The following CDH18 variants were observed in gnomAD, a reference collection of about 807,000 sequenced individuals.
CDH18 encodes cadherin-18.
A neutral mutation model predicts 67.9 loss-of-function variants in CDH18; 31 were observed. The ratio of observed to expected loss-of-function variants is 0.46; its 90% CI spans 0.34 to 0.62. The LOEUF (loss-of-function observed/expected upper bound fraction) is 0.62. Ranked by LOEUF, CDH18 falls within the 20% of genes least tolerant of loss-of-function variation. The pLI is 0.01. For synonymous variants in CDH18, 362 were observed against 347.2 expected, an observed-to-expected ratio of 1.04 and a Z score of -0.48; for missense variants, 890 against 975.5, an observed-to-expected ratio of 0.91 and a Z score of 1.17.
chr5:19,734,541 T>C (rs1768043604), intron 4 of CDH18, among the ~76,000 whole-genome samples: 1 of 152,062 alleles, frequency 6.6e-6, no homozygotes, highest in Admixed American at 6.5e-5. Context: ...AGAATAAAAA[T>C]ATTTTTTCTC....
chr5:20,207,457 T>C (rs900220300), intron 2 of CDH18, among the ~76,000 whole-genome samples: 3 of 151,958 alleles, frequency 2.0e-5, no homozygotes, highest in African/African-American at 7.2e-5. Context: ...ACTGGGCAAT[T>C]TACAAAAGAA....
intron 1 of CDH18, among the ~76,000 whole-genome samples, chr5:20,454,338 A>AT (rs150384243): frequency 0.039 from 5,924 of 151,918 alleles, 361 homozygotes; most frequent in African/African-American, 0.13. Context: ...CATAACTTTC[A>AT]TTTTTTTTCA....
chr5:20,101,703 G>C (rs1236662452), intron 2 of CDH18, among the ~76,000 whole-genome samples: 2 of 152,178 alleles, frequency 1.3e-5, no homozygotes. Flanking sequence ...AACCATAGAG[G>C]TATTGCCAGT....
intron 1 of CDH18, among the ~76,000 whole-genome samples, chr5:20,348,018 T>G (rs1740850365): frequency 2.0e-5 from 3 of 152,314 alleles, no homozygotes; most frequent in Middle Eastern, 6.8e-3. Context: ...GACAAGAATT[T>G]GGACTTAGCT....
At chr5:20,523,283 C>G (rs572109055) in intron 1 of CDH18, among the ~76,000 whole-genome samples, 1 of 152,250 alleles carries the variant, frequency 6.6e-6, no homozygotes, top group East Asian at 1.9e-4. Flanking sequence ...GCTGAGTTGA[C>G]ATTTTAATTG....
intron 12 of CDH18, among the ~76,000 whole-genome samples, chr5:19,476,139 T>G (rs1738423430): frequency 6.6e-6 from 1 of 151,706 alleles, no homozygotes; most frequent in Non-Finnish European, 1.5e-5. Context: ...TGGGAGACTA[T>G]GAAGGAACCA....
At chr5:20,410,760 T>A (rs1746701808) in intron 1 of CDH18, among the ~76,000 whole-genome samples, 1 of 151,740 alleles carries the variant, frequency 6.6e-6, no homozygotes, top group African/African-American at 2.4e-5. Context: ...AACGTTAAAG[T>A]CTCCATTTAA....
intron 3 of CDH18, among the ~76,000 whole-genome samples, chr5:19,829,406 T>C (rs544010599): frequency 5.3e-5 from 8 of 152,264 alleles, no homozygotes; most frequent in African/African-American, 1.9e-4. Flanking sequence ...GTAGCACTTA[T>C]ATACAAGAAC....
At chr5:19,825,413 A>C (rs1780307186) in intron 3 of CDH18, among the ~76,000 whole-genome samples, 1 of 152,120 alleles carries the variant, frequency 6.6e-6, no homozygotes, top group African/African-American at 2.4e-5. Context: ...CACCCACTAG[A>C]GCTTCCAGCC....
At chr5:19,813,027 A>T (rs1778908657) in intron 3 of CDH18, among the ~76,000 whole-genome samples, 1 of 152,158 alleles carries the variant, frequency 6.6e-6, no homozygotes. Flanking sequence ...ATTCTCAGGA[A>T]ACTAACACAG....
chr5:19,699,278 A>C (rs1363626487), intron 5 of CDH18, among the ~76,000 whole-genome samples: 1 of 152,270 alleles, frequency 6.6e-6, no homozygotes, highest in Non-Finnish European at 1.5e-5. Flanking sequence ...GTTCCCAAAT[A>C]ACCTGCAATT....
At chr5:19,538,018 TGA>T (rs1749684678) in intron 9 of CDH18, among the ~76,000 whole-genome samples, 1 of 152,172 alleles carries the variant, frequency 6.6e-6, no homozygotes, top group Non-Finnish European at 1.5e-5. Flanking sequence ...TAAAAAGTAT[TGA>T]TAGGTTTTGG....
At chr5:20,563,816 T>C (rs1758351168) in intron 1 of CDH18, among the ~76,000 whole-genome samples, 2 of 152,052 alleles carry the variant, frequency 1.3e-5, no homozygotes, top group South Asian at 4.1e-4. Flanking sequence ...ACCATAGTAG[T>C]CACAAAAGAG....
chr5:19,738,558 AT>A (rs1768663787), intron 4 of CDH18, among the ~76,000 whole-genome samples: 1 of 152,216 alleles, frequency 6.6e-6, no homozygotes, highest in South Asian at 2.1e-4. Context: ...TTTTTAAAAC[AT>A]GATGTACCAA....
chr5:19,930,574 T>C (rs1457641040), intron 2 of CDH18, among the ~76,000 whole-genome samples: 1 of 152,008 alleles, frequency 6.6e-6, no homozygotes, highest in East Asian at 1.9e-4. Context: ...ATCATGTGGT[T>C]ACCATGGGAG....
chr5:19,934,573 G>T lies in CDH18; in HGVS notation c.-257+46487C>A, dbSNP rs1794037101. On this transcript the variant is annotated intron_variant, in intron 2 of 12. Coordinates refer to ENST00000382275, the MANE Select transcript of CDH18 (RefSeq NM_004934.5). ...AAATGTTTAAACATGTTTTTTAAAG[G>T]CCCACTTTTACTTCCATTTCATAAA... is the stretch of plus-strand genomic sequence containing the variant. Among the ~76,000 whole-genome samples the T allele has an allele frequency of 4.6e-5, 7 of 151,280 alleles. No individual in the cohort carries two copies. In the South Asian group the frequency reaches 1.0e-3, roughly 22 times the overall value.
intron 12 of CDH18, among the ~76,000 whole-genome samples, chr5:19,475,231 T>C (rs1738244584): frequency 6.8e-6 from 1 of 147,850 alleles, no homozygotes; most frequent in African/African-American, 2.5e-5. Flanking sequence ...CTTCTCAACC[T>C]ACAGTAAGCT....
chr5:20,510,366 A>G (rs1259590938), intron 1 of CDH18, among the ~76,000 whole-genome samples: 1 of 152,162 alleles, frequency 6.6e-6, no homozygotes, highest in Non-Finnish European at 1.5e-5. Context: ...GTTGTTATGC[A>G]GTGCCCCTTC....
chr5:20,053,811 TA>T (rs1741659859), intron 2 of CDH18, among the ~76,000 whole-genome samples: 1 of 152,098 alleles, frequency 6.6e-6, no homozygotes. Context: ...GTGATGCTTT[TA>T]AAGTAAGTCA....
Sources: gnomAD v4.1 joint callset for allele counts (sites outside exome capture counted in the v4.1 genomes callset) on GRCh38, gnomAD v4.1.1 for gene constraint, MANE v1.5 for transcripts, NCBI Gene and HGNC (gene_info 2026-07-23, HGNC 2026-07-21) for gene names.